The following ERG variants were observed in gnomAD, a reference collection of about 807,000 sequenced individuals.
ERG encodes ETS transcription factor ERG.
Under a neutral mutation model 55.3 loss-of-function variants are expected in ERG, and 9 were observed. That is an observed-to-expected ratio of 0.16 (90% CI 0.10 to 0.28). The LOEUF is 0.28. Among genes scored for constraint, ERG ranks in the 10% least tolerant of loss-of-function variants. The pLI, the probability that ERG is intolerant of heterozygous loss-of-function variation, is 1.00. For synonymous variants in ERG, 223 were observed against 237.3 expected, an observed-to-expected ratio of 0.94 and a Z score of 0.55; for missense variants, 434 against 631.6, an observed-to-expected ratio of 0.69 and a Z score of 3.35.
chr21:38,564,782 C>T (rs2059913050), intron 2 of ERG, among the ~76,000 whole-genome samples: 1 of 152,082 alleles, frequency 6.6e-6, no homozygotes, highest in Admixed American at 6.6e-5. Context: ...AGTTCCCCCT[C>T]CTCTTTCCAA....
At chr21:38,623,285 CA>C (rs1256673946) in intron 1 of ERG, among the ~76,000 whole-genome samples, 2 of 144,468 alleles carry the variant, frequency 1.4e-5, no homozygotes, top group African/African-American at 2.6e-5. Flanking sequence ...ATCACATACT[CA>C]ACACTCCACC....
intron 2 of ERG, among the ~76,000 whole-genome samples, chr21:38,425,200 A>G (rs1989761394): frequency 6.6e-6 from 1 of 152,144 alleles, no homozygotes; most frequent in Non-Finnish European, 1.5e-5. Flanking sequence ...CCTGATCAAC[A>G]TGGAGAAACC....
chr21:38,414,580 C>G (rs1459830376), intron 3 of ERG, among the ~76,000 whole-genome samples: 1 of 152,118 alleles, frequency 6.6e-6, no homozygotes, highest in Admixed American at 6.6e-5. Context: ...CCATATAGCA[C>G]CACATGAAGT....
chr21:38,610,522 C>T (rs558906430), intron 1 of ERG, among the ~76,000 whole-genome samples: 5 of 115,426 alleles, frequency 4.3e-5, no homozygotes, highest in East Asian at 2.7e-4. Flanking sequence ...CGTGCGCGCA[C>T]GCGCGTGTGT....
At chr21:38,590,759 TA>T (rs2060095839) in intron 1 of ERG, among the ~76,000 whole-genome samples, 1 of 152,184 alleles carries the variant, frequency 6.6e-6, no homozygotes, top group Non-Finnish European at 1.5e-5. Flanking sequence ...AGCACTGAGC[TA>T]AACACTAACT....
chr21:38,380,955 A>G lies in ERG; in HGVS notation c.*2448T>C. The G allele has an allele frequency of 2.8e-6, 3 of 1,065,146 alleles. No individual in the cohort carries two copies. The highest frequency in any genetic ancestry group is 3.4e-6 in the Non-Finnish European group (3 of 879,182). 66.0% of individuals were successfully genotyped at this position (1,065,146 alleles called of 1,614,324 possible). ...ATAAAAATGACTGATCTTTTCCATT[A>G]GCACAGTTTGGGTCAGCCTAACTGC... On this transcript the variant is annotated 3_prime_UTR_variant, in exon 10 of 10. Transcript: ENST00000288319.
chr21:38,376,754 C>A (rs768351060), downstream of ERG, among the ~76,000 whole-genome samples: 2 of 152,272 alleles, frequency 1.3e-5, no homozygotes, highest in Non-Finnish European at 2.9e-5. Flanking sequence ...GGCCCAGCCC[C>A]ACTCGCCTCC....
At chr21:38,388,641 C>G (rs1039972428) in intron 9 of ERG, among the ~76,000 whole-genome samples, 4 of 152,174 alleles carry the variant, frequency 2.6e-5, no homozygotes, top group African/African-American at 7.2e-5. Context: ...AAGTCAAATT[C>G]ATCAGAAACT....
intron 2 of ERG, among the ~76,000 whole-genome samples, chr21:38,519,680 C>T (rs376160494): frequency 2.0e-5 from 3 of 152,242 alleles, no homozygotes; most frequent in Middle Eastern, 3.4e-3. Context: ...CAAAGAAAGT[C>T]GGCACATCTA....
At chr21:38,651,530 T>C (rs1261118711) in intron 1 of ERG, among the ~76,000 whole-genome samples, 2 of 152,230 alleles carry the variant, frequency 1.3e-5, no homozygotes, top group African/African-American at 2.4e-5. Context: ...AAATATCTCA[T>C]CCATATTTTA....
intron 2 of ERG, among the ~76,000 whole-genome samples, chr21:38,555,659 A>G (rs547244986): frequency 6.6e-6 from 1 of 152,328 alleles, no homozygotes; most frequent in South Asian, 2.1e-4. Context: ...GAAAAATTCA[A>G]GTCCACATGG....
intron 9 of ERG, among the ~76,000 whole-genome samples, chr21:38,385,476 G>A (rs1376488500): frequency 2.0e-5 from 3 of 152,068 alleles, no homozygotes; most frequent in African/African-American, 2.4e-5. Context: ...CTAAATCCTC[G>A]CTAGCCTCCT....
At chr21:38,588,376 C>T (rs537606544), upstream of ERG, among the ~76,000 whole-genome samples, 11 of 152,256 alleles carry the variant, frequency 7.2e-5, no homozygotes, top group African/African-American at 2.6e-4. Flanking sequence ...CCACATGACC[C>T]CTGGGATTCA....
intron 1 of ERG, among the ~76,000 whole-genome samples, chr21:38,659,217 C>T (rs920409756): frequency 1.3e-5 from 2 of 152,222 alleles, no homozygotes; most frequent in Non-Finnish European, 2.9e-5. Context: ...TGTAGCTCTT[C>T]TAAAGCCTTT....
At chr21:38,650,588 G>T (rs2060483052) in intron 1 of ERG, among the ~76,000 whole-genome samples, 1 of 151,672 alleles carries the variant, frequency 6.6e-6, no homozygotes, top group East Asian at 2.0e-4. Context: ...AGTGAGCCAA[G>T]ATCGCACCAC....
chr21:38,427,550 C>T (rs1389745290), intron 2 of ERG, among the ~76,000 whole-genome samples: 1 of 152,172 alleles, frequency 6.6e-6, no homozygotes, highest in Non-Finnish European at 1.5e-5. Flanking sequence ...GGACTCACAG[C>T]CAGGAGGAGG....
chr21:38,551,535 C>T (rs2059824327), intron 2 of ERG, among the ~76,000 whole-genome samples: 2 of 152,104 alleles, frequency 1.3e-5, no homozygotes, highest in South Asian at 4.1e-4. Context: ...CCCAGAGATT[C>T]TGGTATGGTG....
upstream of ERG, among the ~76,000 whole-genome samples, chr21:38,502,037 A>G (rs1164998392): frequency 6.6e-6 from 1 of 152,216 alleles, no homozygotes; most frequent in African/African-American, 2.4e-5. Flanking sequence ...GTTAGGAGCT[A>G]AGAACACTCT....
chr21:38,608,647 G>T (rs1414437155), intron 1 of ERG, among the ~76,000 whole-genome samples: 1 of 152,152 alleles, frequency 6.6e-6, no homozygotes, highest in African/African-American at 2.4e-5. Flanking sequence ...AAAGCTGAGG[G>T]TTTGGAGGTG....
Sources: gnomAD v4.1 joint callset for allele counts (sites outside exome capture counted in the v4.1 genomes callset) on GRCh38, gnomAD v4.1.1 for gene constraint, MANE v1.5 for transcripts, NCBI Gene and HGNC (gene_info 2026-07-23, HGNC 2026-07-21) for gene names.